CTNNA3: variants seen among roughly 807,000 people sequenced by gnomAD.
The protein encoded by CTNNA3 is catenin alpha-3.
Under a neutral mutation model 95.7 loss-of-function variants are expected in CTNNA3, and 76 were observed. The ratio of observed to expected loss-of-function variants is 0.79; its 90% confidence interval spans 0.66 to 0.96. CTNNA3 has a LOEUF of 0.96. CTNNA3 is among the 40% of genes least tolerant of loss of function. CTNNA3 has a pLI of 0.00. For synonymous variants in CTNNA3, 431 were observed against 374.4 expected (o/e 1.15, Z -1.74); for missense variants, 1,191 against 1,089.8 (o/e 1.09, Z -1.31).
At chr10:66,568,824 A>T (rs1487166336) in intron 10 of CTNNA3, among the ~76,000 whole-genome samples, 1 of 151,886 alleles carries the variant, frequency 6.6e-6, no homozygotes, top group Non-Finnish European at 1.5e-5. Context: ...ATAACAGGAC[A>T]ATTTACATAC....
At chr10:67,493,286 GACACGGCGGCTCACC>G (rs1838915052) in intron 5 of CTNNA3, among the ~76,000 whole-genome samples, 2 of 152,118 alleles carry the variant, frequency 1.3e-5, no homozygotes, top group Non-Finnish European at 2.9e-5. Context: ...TTTTAGGCCG[GACACGGCGGCTCACC>G]CCTGTAATCC....
intron 5 of CTNNA3, among the ~76,000 whole-genome samples, chr10:67,271,078 A>G (rs1030423218): frequency 6.6e-6 from 1 of 152,198 alleles, no homozygotes; most frequent in Non-Finnish European, 1.5e-5. Context: ...TGCATGAGTG[A>G]ACAAACAGGC....
At chr10:67,761,617 G>A (rs904681116) in intron 1 of CTNNA3, among the ~76,000 whole-genome samples, 3 of 152,114 alleles carry the variant, frequency 2.0e-5, no homozygotes, top group South Asian at 2.1e-4. Context: ...GGTGGTTCAC[G>A]CCTGTGATCT....
intron 7 of CTNNA3, among the ~76,000 whole-genome samples, chr10:66,837,205 A>T (rs1393195475): frequency 2.0e-5 from 3 of 152,192 alleles, no homozygotes; most frequent in Non-Finnish European, 2.9e-5. Flanking sequence ...AATAAGCAAC[A>T]TCAGAAAGTT....
chr10:66,950,103 A>G (rs892037957), intron 7 of CTNNA3, among the ~76,000 whole-genome samples: 1 of 152,176 alleles, frequency 6.6e-6, no homozygotes, highest in Non-Finnish European at 1.5e-5. Flanking sequence ...TTCAGGGTCT[A>G]TCTCTAATTT....
chr10:66,708,356 G>A (rs1042408429), intron 9 of CTNNA3, among the ~76,000 whole-genome samples: 5 of 151,994 alleles, frequency 3.3e-5, no homozygotes, highest in African/African-American at 1.2e-4. Context: ...TCTTGTCTTT[G>A]CTTGCGGGTG....
chr10:66,041,953 A>G (rs1455331011), intron 15 of CTNNA3, among the ~76,000 whole-genome samples: 2 of 152,220 alleles, frequency 1.3e-5, no homozygotes, highest in Non-Finnish European at 2.9e-5. Context: ...GCTTCTCAGC[A>G]TAACAAATAA....
intron 5 of CTNNA3, among the ~76,000 whole-genome samples, chr10:67,264,370 T>C (rs1866734417): frequency 6.6e-6 from 1 of 152,164 alleles, no homozygotes; most frequent in Admixed American, 6.5e-5. Flanking sequence ...ATAATAACTA[T>C]TAAGGGCTTA....
At chr10:66,139,891 G>A (rs1050482921) in intron 13 of CTNNA3, among the ~76,000 whole-genome samples, 10 of 152,068 alleles carry the variant, frequency 6.6e-5, no homozygotes, top group South Asian at 4.1e-4. Context: ...GCCTTCGTCC[G>A]GTTCTCCCTT....
chr10:67,550,295 C>T (rs1162060093), intron 3 of CTNNA3, among the ~76,000 whole-genome samples: 1 of 152,146 alleles, frequency 6.6e-6, no homozygotes, highest in Non-Finnish European at 1.5e-5. Flanking sequence ...ACTCAGCCAG[C>T]TCTAAATAAT....
chr10:67,166,831 G>A (rs963667384), intron 7 of CTNNA3, among the ~76,000 whole-genome samples: 1 of 152,208 alleles, frequency 6.6e-6, no homozygotes. Context: ...TTCTGGCCGG[G>A]CGCGGTGGCT....
chr10:66,257,768 C>T (rs549503544), intron 13 of CTNNA3, among the ~76,000 whole-genome samples: 44 of 152,302 alleles, frequency 2.9e-4, no homozygotes, highest in African/African-American at 9.1e-4. Context: ...TTGCAACTCT[C>T]ATTTTAGCTG....
intron 9 of CTNNA3, among the ~76,000 whole-genome samples, chr10:66,760,771 A>T (rs751096905): frequency 6.6e-6 from 1 of 152,158 alleles, no homozygotes; most frequent in South Asian, 2.1e-4. Flanking sequence ...GTTCAGCCAC[A>T]TCTTTTTAAC....
intron 13 of CTNNA3, among the ~76,000 whole-genome samples, chr10:66,189,106 C>T (rs764771684): frequency 7.2e-5 from 11 of 151,836 alleles, no homozygotes; most frequent in African/African-American, 1.2e-4. Flanking sequence ...GGATAATTCC[C>T]ATATATATTG....
At chr10:67,200,125 T>C (rs1160174602) in intron 6 of CTNNA3, among the ~76,000 whole-genome samples, 1 of 152,110 alleles carries the variant, frequency 6.6e-6, no homozygotes, top group East Asian at 1.9e-4. Context: ...AGAGATATAT[T>C]GGGTCCTGAT....
chr10:66,772,404 G>C (rs1024564492), intron 8 of CTNNA3, among the ~76,000 whole-genome samples: 14 of 148,364 alleles, frequency 9.4e-5, no homozygotes, highest in African/African-American at 2.5e-4. Context: ...CAGCCTGGGC[G>C]GTACAGTGAG....
chr10:66,333,390 A>T (rs1327916122), intron 12 of CTNNA3, among the ~76,000 whole-genome samples: 1 of 149,294 alleles, frequency 6.7e-6, no homozygotes, highest in Non-Finnish European at 1.5e-5. Context: ...CCCTCTACAC[A>T]CTTCTTTGAA....
At chr10:67,232,837 C>T (rs868476712) in intron 5 of CTNNA3, among the ~76,000 whole-genome samples, 3 of 150,922 alleles carry the variant, frequency 2.0e-5, no homozygotes, top group Admixed American at 1.3e-4. Flanking sequence ...AAATGGAAAA[C>T]AAAAAAAGGC....
At chr10:66,187,219 T>A (rs977500632) in intron 13 of CTNNA3, among the ~76,000 whole-genome samples, 1 of 152,206 alleles carries the variant, frequency 6.6e-6, no homozygotes, top group Non-Finnish European at 1.5e-5. Context: ...TCAGAGCTTA[T>A]CCAGTGCAGA....
Sources: gnomAD v4.1 joint callset for allele counts (sites outside exome capture counted in the v4.1 genomes callset) on GRCh38, gnomAD v4.1.1 for gene constraint, MANE v1.5 for transcripts, NCBI Gene and HGNC (gene_info 2026-07-23, HGNC 2026-07-21) for gene names.